The following PDSS2 variants were observed in gnomAD, a reference collection of about 807,000 sequenced individuals.
PDSS2 encodes the protein decaprenyl diphosphate synthase subunit 2, also known as all trans-polyprenyl-diphosphate synthase PDSS2.
In PDSS2, 31 loss-of-function variants were observed where a neutral mutation model predicts 44.5. That is an observed-to-expected ratio of 0.70 (90% confidence interval 0.52 to 0.94). The LOEUF is 0.94. Among genes scored for constraint, PDSS2 ranks in the 40% least tolerant of loss-of-function variants. The pLI, the probability that PDSS2 is intolerant of heterozygous loss-of-function variation, is 0.00. For synonymous variants in PDSS2, 157 were observed against 180.3 expected, an observed-to-expected ratio of 0.87 and a Z score of 1.03; for missense variants, 452 against 482.2, an observed-to-expected ratio of 0.94 and a Z score of 0.59.
chr6:107,232,518 G>A (rs1774085853), intron 4 of PDSS2, among the ~76,000 whole-genome samples: 1 of 152,074 alleles, frequency 6.6e-6, no homozygotes, highest in African/African-American at 2.4e-5. Flanking sequence ...CCTAAAACAG[G>A]CCTTCCATGA....
intron 2 of PDSS2, among the ~76,000 whole-genome samples, chr6:107,276,554 G>A (rs1299071961): frequency 6.6e-6 from 1 of 152,196 alleles, no homozygotes; most frequent in Non-Finnish European, 1.5e-5. Context: ...GTCATAAAAT[G>A]GATGAGACTG....
chr6:107,302,158 T>C (rs368197342), intron 2 of PDSS2, among the ~76,000 whole-genome samples: 559 of 152,294 alleles, frequency 3.7e-3, no homozygotes, highest in Non-Finnish European at 6.1e-3. Flanking sequence ...TTCACAATTT[T>C]TATAGGCAGA....
chr6:107,309,661 T>C (rs1033309384), intron 2 of PDSS2, among the ~76,000 whole-genome samples: 2 of 152,160 alleles, frequency 1.3e-5, no homozygotes, highest in Admixed American at 1.3e-4. Context: ...TTATGGTAGG[T>C]GGCTGTCATT....
intron 4 of PDSS2, among the ~76,000 whole-genome samples, chr6:107,235,806 A>G (rs1220920741): frequency 6.6e-6 from 1 of 152,196 alleles, no homozygotes; most frequent in East Asian, 1.9e-4. Flanking sequence ...TATATTCCAT[A>G]TGGCCAAGGA....
At chr6:107,253,091 G>A (rs1033294266) in intron 3 of PDSS2, among the ~76,000 whole-genome samples, 4 of 152,100 alleles carry the variant, frequency 2.6e-5, no homozygotes, top group South Asian at 4.1e-4. Context: ...GCTGGAGTGC[G>A]GTGGCTTGAT....
chr6:107,154,533 C>A lies in PDSS2; in HGVS notation c.*86G>T. 8.2e-7 allele frequency: 1 copy of A among 1,215,416 alleles called. No homozygotes were observed. The highest frequency in any genetic ancestry group is 1.2e-6 in the Non-Finnish European group (1 of 820,930). The allele number at this position is 1,215,416 out of a possible 1,614,324, so 75.3% of individuals were successfully genotyped here. Reference sequence around the variant, plus strand: ...GGAAAAATGCATATGTTTTAAAAGTCATTAACGCATCGTGAAAGCGCTCCC... The same window carrying A: ...GGAAAAATGCATATGTTTTAAAAGTAATTAACGCATCGTGAAAGCGCTCCC... On this transcript the variant is annotated 3_prime_UTR_variant, in exon 8 of 8. Coordinates refer to ENST00000369037, the MANE Select transcript of PDSS2 (RefSeq NM_020381.4).
chr6:107,429,801 T>C (rs1781114217), intron 1 of PDSS2, among the ~76,000 whole-genome samples: 2 of 146,890 alleles, frequency 1.4e-5, no homozygotes, highest in Non-Finnish European at 3.0e-5. Context: ...GGAGAATCAC[T>C]TGAAATCGGG....
chr6:107,163,981 A>C (rs1254945163), intron 7 of PDSS2, among the ~76,000 whole-genome samples: 1 of 152,094 alleles, frequency 6.6e-6, no homozygotes, highest in Non-Finnish European at 1.5e-5. Flanking sequence ...CGTAAGACTC[A>C]TGTGGGGAAC....
intron 1 of PDSS2, among the ~76,000 whole-genome samples, chr6:107,414,831 A>G (rs1401844417): frequency 2.0e-5 from 3 of 152,226 alleles, no homozygotes; most frequent in Non-Finnish European, 4.4e-5. Context: ...AGAGGCATCA[A>G]TTAAAGTAGT....
rs148665891 is a variant in PDSS2, at chr6:107,286,355, C to T, written c.432-12128G>A. On this transcript the variant is annotated intron_variant, in intron 2 of 7. Coordinates refer to ENST00000369037, the MANE Select transcript of PDSS2 (RefSeq NM_020381.4). ...AAACCCCACCTCTACTAAAAAAATA[C>T]AGAAATTTGCTGATTGTGGTGGCGG... Among the ~76,000 whole-genome samples the T allele has an allele frequency of 3.8e-3, 580 of 150,760 alleles. 2 individuals carry two copies. The highest frequency in any genetic ancestry group is 5.5e-3 in the Non-Finnish European group (375 of 67,630).
chr6:107,166,611 G>T (rs184863547), intron 7 of PDSS2, among the ~76,000 whole-genome samples: 1 of 152,032 alleles, frequency 6.6e-6, no homozygotes, highest in Non-Finnish European at 1.5e-5. Context: ...TGATCCGCCC[G>T]CCTCGGCCTC....
At chr6:107,242,957 AG>A (rs1774493387) in intron 4 of PDSS2, among the ~76,000 whole-genome samples, 1 of 152,182 alleles carries the variant, frequency 6.6e-6, no homozygotes, top group African/African-American at 2.4e-5. Context: ...AGTGCTATAA[AG>A]TCTCTTTAAT....
intron 2 of PDSS2, among the ~76,000 whole-genome samples, chr6:107,311,251 A>T (rs1232626492): frequency 1.4e-5 from 2 of 145,630 alleles, no homozygotes; most frequent in Non-Finnish European, 3.0e-5. Flanking sequence ...GGTGGAGTGC[A>T]GTGGTGCAAT....
At chr6:107,347,343 T>A (rs975090232) in intron 1 of PDSS2, among the ~76,000 whole-genome samples, 11 of 136,850 alleles carry the variant, frequency 8.0e-5, no homozygotes, top group Non-Finnish European at 1.7e-4. Context: ...GCTCTCCACA[T>A]CCCGGGTTCA....
At chr6:107,209,813 C>G (rs563671988) in intron 6 of PDSS2, among the ~76,000 whole-genome samples, 2 of 151,856 alleles carry the variant, frequency 1.3e-5, no homozygotes, top group Non-Finnish European at 2.9e-5. Context: ...ATTACAGCCA[C>G]GAAGTTAAAT....
intron 3 of PDSS2, among the ~76,000 whole-genome samples, chr6:107,253,166 G>C (rs569030203): frequency 6.6e-5 from 10 of 152,212 alleles, no homozygotes; most frequent in South Asian, 4.1e-4. Context: ...CTCCTGAGTA[G>C]CTGGGATTAC....
chr6:107,272,087 A>AC (rs58799544), intron 3 of PDSS2, among the ~76,000 whole-genome samples: 26,289 of 149,514 alleles, frequency 0.18, 2,513 homozygotes, highest in African/African-American at 0.2. Flanking sequence ...AAAGAAACAA[A>AC]AAAAAAAAAA....
At chr6:107,198,530 T>C (rs1772646182) in intron 6 of PDSS2, among the ~76,000 whole-genome samples, 2 of 152,194 alleles carry the variant, frequency 1.3e-5, no homozygotes, top group South Asian at 2.1e-4. Context: ...CTGGTAAATA[T>C]TTAAACTTCT....
At chr6:107,442,644 A>C (rs1364049972) in intron 1 of PDSS2, among the ~76,000 whole-genome samples, 5 of 152,160 alleles carry the variant, frequency 3.3e-5, no homozygotes, top group Admixed American at 1.3e-4. Context: ...TGCTGCAAAT[A>C]CTTCACGTTC....
Sources: gnomAD v4.1 joint callset for allele counts (sites outside exome capture counted in the v4.1 genomes callset) on GRCh38, gnomAD v4.1.1 for gene constraint, MANE v1.5 for transcripts, NCBI Gene and HGNC (gene_info 2026-07-23, HGNC 2026-07-21) for gene names.